CSMD1: variants seen among roughly 807,000 people sequenced by gnomAD.
CSMD1 encodes CUB and sushi domain-containing protein 1.
A neutral mutation model predicts 417.5 loss-of-function variants in CSMD1; 213 were observed. That is an observed-to-expected ratio of 0.51 (90% CI 0.46 to 0.57). The LOEUF (loss-of-function observed/expected upper bound fraction) is 0.57, where lower values mean the gene tolerates loss of function less well. Ranked by LOEUF, CSMD1 falls within the 20% of genes least tolerant of loss-of-function variation. CSMD1 has a pLI of 0.00. For missense variants in CSMD1, 6,923 were observed against 4,529.7 expected, an observed-to-expected ratio of 1.53 and a Z score of -15.17; for synonymous variants, 2,862 against 1,736.8, an observed-to-expected ratio of 1.65 and a Z score of -16.11.
intron 8 of CSMD1, among the ~76,000 whole-genome samples, chr8:3,602,932 T>C (rs1801432251): frequency 6.6e-6 from 1 of 152,186 alleles, no homozygotes; most frequent in Non-Finnish European, 1.5e-5. Flanking sequence ...CAGAAGACTA[T>C]TTAAATGTGT....
chr8:3,079,469 G>T (rs942390972), intron 49 of CSMD1, among the ~76,000 whole-genome samples: 1 of 152,220 alleles, frequency 6.6e-6, no homozygotes, highest in Non-Finnish European at 1.5e-5. Context: ...CAGAGGAGAA[G>T]ATTGATAATG....
chr8:4,002,516 G>C (rs566939704), intron 4 of CSMD1, among the ~76,000 whole-genome samples: 128 of 152,134 alleles, frequency 8.4e-4, no homozygotes, highest in Non-Finnish European at 6.8e-4. Flanking sequence ...ATGCCACAGA[G>C]GAAACAGTTT....
chr8:2,985,045 T>C (rs749074593), intron 54 of CSMD1, among the ~76,000 whole-genome samples: 5 of 152,212 alleles, frequency 3.3e-5, no homozygotes, highest in Non-Finnish European at 5.9e-5. Flanking sequence ...GCTTAAAATT[T>C]TGGCAGAAAA....
chr8:4,651,357 A>G (rs1215562657), intron 1 of CSMD1, among the ~76,000 whole-genome samples: 2 of 152,180 alleles, frequency 1.3e-5, no homozygotes, highest in East Asian at 1.9e-4. Context: ...TGAATATTCA[A>G]GCAGATCAGC....
chr8:3,303,697 G>T (rs1168728247), intron 25 of CSMD1, among the ~76,000 whole-genome samples: 3 of 152,166 alleles, frequency 2.0e-5, no homozygotes, highest in African/African-American at 7.2e-5. Flanking sequence ...GCTAGCTGAA[G>T]AAGTTTATAA....
intron 27 of CSMD1, among the ~76,000 whole-genome samples, chr8:3,228,382 A>G (rs556320257): frequency 1.3e-4 from 20 of 152,242 alleles, no homozygotes; most frequent in Non-Finnish European, 1.5e-5. Flanking sequence ...ACAAAGTAAT[A>G]AAAATATAAT....
intron 5 of CSMD1, among the ~76,000 whole-genome samples, chr8:3,877,553 C>G (rs1805908091): frequency 6.6e-6 from 1 of 152,082 alleles, no homozygotes; most frequent in African/African-American, 2.4e-5. Context: ...AGGTAAAGGC[C>G]AGAGAAAAAA....
intron 23 of CSMD1, among the ~76,000 whole-genome samples, chr8:3,309,174 A>G (rs1472766834): frequency 3.3e-5 from 5 of 152,158 alleles, no homozygotes; most frequent in Admixed American, 3.3e-4. Context: ...GTCACAACCT[A>G]GACCTCCAAG....
At chr8:4,631,920 G>C (rs1323996386) in intron 2 of CSMD1, among the ~76,000 whole-genome samples, 2 of 152,112 alleles carry the variant, frequency 1.3e-5, no homozygotes, top group Non-Finnish European at 2.9e-5. Context: ...ATATTGAGTG[G>C]TAAAATCTCC....
chr8:4,280,483 C>G lies in CSMD1; in HGVS notation c.415+139470G>C, dbSNP rs147697965. On this transcript the variant is annotated intron_variant, in intron 3 of 69. Transcript: ENST00000635120. Reference sequence around the variant, plus strand: ...GCATACATCACTGTTTCAGTATATCCTCCACATTTCACAGAAAAATTAAAA... The same window carrying G: ...GCATACATCACTGTTTCAGTATATCGTCCACATTTCACAGAAAAATTAAAA... Among the ~76,000 whole-genome samples, 375 of 152,300 alleles carry G rather than the reference C, an allele frequency of 2.5e-3. 4 individuals carry two copies. Among genetic ancestry groups the G allele is most frequent in the Middle Eastern group, 6.8e-3 (2 of 294 alleles).
chr8:4,288,815 G>C (rs1323223473), intron 3 of CSMD1, among the ~76,000 whole-genome samples: 3 of 152,144 alleles, frequency 2.0e-5, no homozygotes, highest in African/African-American at 4.8e-5. Context: ...GCAAAATCAA[G>C]TCCCATTACG....
At chr8:3,173,778 C>T (rs1195665314) in intron 37 of CSMD1, among the ~76,000 whole-genome samples, 1 of 152,160 alleles carries the variant, frequency 6.6e-6, no homozygotes, top group Non-Finnish European at 1.5e-5. Flanking sequence ...ACCAAAATTC[C>T]AATTAAGAAC....
At chr8:3,910,020 A>G (rs1270068909) in intron 5 of CSMD1, among the ~76,000 whole-genome samples, 1 of 152,152 alleles carries the variant, frequency 6.6e-6, no homozygotes, top group African/African-American at 2.4e-5. Flanking sequence ...ATAAAGGTAA[A>G]TAATTCTTTA....
At chr8:3,378,280 C>G (rs1810436849) in intron 18 of CSMD1, among the ~76,000 whole-genome samples, 1 of 151,994 alleles carries the variant, frequency 6.6e-6, no homozygotes, top group Non-Finnish European at 1.5e-5. Flanking sequence ...TAAAAGAAGC[C>G]CAGGACCAGG....
chr8:4,152,834 G>A (rs897276405), intron 3 of CSMD1, among the ~76,000 whole-genome samples: 4 of 152,184 alleles, frequency 2.6e-5, no homozygotes, highest in African/African-American at 7.2e-5. Context: ...AGTAGGGAAT[G>A]TATGTATGTG....
chr8:4,512,343 T>A (rs1234392783), intron 2 of CSMD1, among the ~76,000 whole-genome samples: 1 of 152,180 alleles, frequency 6.6e-6, no homozygotes, highest in Non-Finnish European at 1.5e-5. Flanking sequence ...TTTTACTTAA[T>A]GAAAACTCAA....
intron 28 of CSMD1, 34 bp from the exon 29 acceptor site, chr8:3,219,476 T>A: frequency 7.3e-7 from 1 of 1,365,158 alleles, no homozygotes; most frequent in Non-Finnish European, 9.6e-7. Context: ...GTCATACGGC[T>A]AACAGATATT....
intron 3 of CSMD1, among the ~76,000 whole-genome samples, chr8:4,278,220 G>A (rs369147843): frequency 2.6e-5 from 4 of 152,202 alleles, no homozygotes; most frequent in Admixed American, 2.0e-4. Context: ...GCCAAGCTTG[G>A]TAAGTGTTCA....
intron 3 of CSMD1, among the ~76,000 whole-genome samples, chr8:4,323,519 G>A (rs548446992): frequency 1.3e-5 from 2 of 152,046 alleles, no homozygotes; most frequent in African/African-American, 4.8e-5. Context: ...ATGTTGCCTG[G>A]CATAAGGATC....
Sources: gnomAD v4.1 joint callset for allele counts (sites outside exome capture counted in the v4.1 genomes callset) on GRCh38, gnomAD v4.1.1 for gene constraint, MANE v1.5 for transcripts, NCBI Gene and HGNC (gene_info 2026-07-23, HGNC 2026-07-21) for gene names.